GNG12: variants seen among roughly 807,000 people sequenced by gnomAD.
The protein encoded by GNG12 is G protein subunit gamma 12.
For synonymous variants in GNG12, 28 were observed against 29.7 expected (o/e 0.94, Z 0.19); for missense variants, 69 against 83.8 (o/e 0.82, Z 0.69).
chr1:67,738,509 A>ACCT (rs1197305705), intron 2 of GNG12, among the ~76,000 whole-genome samples: 1 of 151,798 alleles, frequency 6.6e-6, no homozygotes, highest in Non-Finnish European at 1.5e-5. Flanking sequence ...TCCAGCTTCA[A>ACCT]CCTCCCCCTG....
rs1319568146 is a variant in GNG12 at position 67,701,753 on chromosome 1, C to A, written c.*3698G>T. On this transcript the variant is annotated 3_prime_UTR_variant, in exon 4 of 4. Transcript: ENST00000370982. The stretch of plus-strand genomic sequence containing the variant: ...ATCAAATGCAAATTTACTAAGACAT[C>A]AAGAGAATATCTGTTTGTAGTTACA... 6.6e-6 allele frequency: 1 copy of A among 152,434 alleles called. No individual in the cohort carries two copies. Among genetic ancestry groups the A allele is most frequent in the Non-Finnish European group, 1.5e-5 (1 of 68,006 alleles). 9.4% of individuals were successfully genotyped at this position (152,434 alleles called of 1,614,324 possible). A position where few individuals can be genotyped will look rare whatever the true frequency, so the allele number is the denominator to read the frequency against.
At position 67,728,286 on chromosome 1, in the gene GNG12, C is replaced by T. The variant is rs140839961; in HGVS notation, c.-26-20574G>A. On this transcript the variant is annotated intron_variant, in intron 2 of 3. Transcript: ENST00000370982. Reference sequence around the variant, plus strand: ...AAAAGCTCTGGATGAGTGTGAGCTGCACTCCTAGTTAAGAGCCATGGGACT... The same window carrying T: ...AAAAGCTCTGGATGAGTGTGAGCTGTACTCCTAGTTAAGAGCCATGGGACT... Among the ~76,000 whole-genome samples, 34 of 152,296 alleles carry T rather than the reference C, an allele frequency of 2.2e-4. No individual in the cohort carries two copies. The East Asian group carries it at 5.4e-3, about 24-fold the overall frequency.
At chr1:67,779,078 T>G (rs773828134) in intron 1 of GNG12, among the ~76,000 whole-genome samples, 10 of 152,312 alleles carry the variant, frequency 6.6e-5, no homozygotes, top group African/African-American at 2.4e-4. Flanking sequence ...GTGATTTTTC[T>G]GAGGGAAGGG....
At chr1:67,787,254 T>C (rs946591612) in intron 1 of GNG12, among the ~76,000 whole-genome samples, 1 of 151,890 alleles carries the variant, frequency 6.6e-6, no homozygotes, top group Non-Finnish European at 1.5e-5. Flanking sequence ...GAAGCTAAAC[T>C]GTACAGAATG....
At position 67,739,621 on chromosome 1, in the gene GNG12, C is replaced by T. The variant is rs4655751; in HGVS notation, c.-26-31909G>A. Among the ~76,000 whole-genome samples the T allele has an allele frequency of 8.6e-3, 1,311 of 152,260 alleles. 24 individuals carry two copies. The highest frequency in any genetic ancestry group is 0.064 in the South Asian group (311 of 4,822). On this transcript the variant is annotated intron_variant, in intron 2 of 3. Transcript: ENST00000370982. ...GCTACATCTTCAAAGGAAGAGCCTGCGTCAAAGCAGTGTACTTGTAAGTTA... is the reference window on the plus strand; with the variant it reads ...GCTACATCTTCAAAGGAAGAGCCTGTGTCAAAGCAGTGTACTTGTAAGTTA...
In GNG12 at chr1:67,780,317, C is replaced by A. The variant is rs1166403335; in HGVS notation, c.-76-2810G>T. 2.6e-5 allele frequency among the ~76,000 whole-genome samples: 4 copies of A among 152,244 alleles called. No individual in the cohort carries two copies. In the East Asian group the frequency reaches 7.7e-4, roughly 29 times the overall value. ...AAGTGGCAGAGTCAAATTGTAAACCCAGACAATTTGGTTCTAGACTTCACA... is the reference window on the plus strand; with the variant it reads ...AAGTGGCAGAGTCAAATTGTAAACCAAGACAATTTGGTTCTAGACTTCACA... On this transcript the variant is annotated intron_variant, in intron 1 of 3. Transcript: ENST00000370982.
intron 2 of GNG12, among the ~76,000 whole-genome samples, chr1:67,711,216 T>C (rs1377210052): frequency 1.3e-5 from 2 of 152,292 alleles, no homozygotes; most frequent in East Asian, 3.9e-4. Flanking sequence ...GTCGATTAAA[T>C]GGGGGTAACT....
At chr1:67,745,647 G>T (rs1391915246) in intron 2 of GNG12, among the ~76,000 whole-genome samples, 1 of 152,206 alleles carries the variant, frequency 6.6e-6, no homozygotes, top group Non-Finnish European at 1.5e-5. Flanking sequence ...GGGAACATTA[G>T]AGCCCCTTTG....
At chr1:67,728,968 C>T (rs115239458) in intron 2 of GNG12, among the ~76,000 whole-genome samples, 2,037 of 152,232 alleles carry the variant, frequency 0.013, 48 homozygotes, top group African/African-American at 0.046. Flanking sequence ...TAAGAGGTAC[C>T]TCTGTGAAAT....
chr1:67,799,427 T>C (rs997904779), intron 1 of GNG12, among the ~76,000 whole-genome samples: 14 of 152,204 alleles, frequency 9.2e-5, no homozygotes, highest in Admixed American at 1.3e-4. Context: ...CAGCAGAGCA[T>C]TGTATAGTAT....
chr1:67,820,997 C>T (rs113628686), intron 1 of GNG12, among the ~76,000 whole-genome samples: 362 of 152,324 alleles, frequency 2.4e-3, no homozygotes, highest in Non-Finnish European at 4.5e-3. Context: ...TTACTAGTAA[C>T]ACCCTAAGTA....
chr1:67,783,919 G>A (rs906343009), intron 1 of GNG12, among the ~76,000 whole-genome samples: 46 of 149,542 alleles, frequency 3.1e-4, no homozygotes, highest in African/African-American at 1.1e-3. Context: ...GATTCCTCAG[G>A]GATCTAGAAC....
At chr1:67,812,501 C>T (rs988935352) in intron 1 of GNG12, among the ~76,000 whole-genome samples, 2 of 152,176 alleles carry the variant, frequency 1.3e-5, no homozygotes, top group African/African-American at 2.4e-5. Context: ...AATGAGCCAT[C>T]TACTCCACTC....
At chr1:67,816,422 G>A (rs1048537148) in intron 1 of GNG12, among the ~76,000 whole-genome samples, 10 of 152,156 alleles carry the variant, frequency 6.6e-5, no homozygotes, top group Non-Finnish European at 1.5e-4. Context: ...TTGGATATGC[G>A]TGCAAGGGCT....
rs149659631 is a variant in GNG12 at position 67,770,758 on chromosome 1, C to T, written c.-27+6700G>A. ...CTGCCAGGCTCAGATAACTTAGCAT[C>T]AGATGTGACAGTCACAGTCAGGTAA... On this transcript the variant is annotated intron_variant, in intron 2 of 3. Coordinates refer to ENST00000370982, the MANE Select transcript of GNG12 (RefSeq NM_018841.6). Among the ~76,000 whole-genome samples, 3 of 152,240 alleles carry T rather than the reference C, an allele frequency of 2.0e-5. No homozygotes were observed. The East Asian group carries it at 5.8e-4, about 29-fold the overall frequency.
Position 67,705,447 on chromosome 1 carries a change from T to C in GNG12, c.*4A>G. ...AAGAGGCGAGGAGCTGTTTCTCTAT[T>C]CCACTATAAGATGATGCAAGTTTTT... On this transcript the variant is annotated 3_prime_UTR_variant, in exon 4 of 4. Coordinates refer to ENST00000370982, the MANE Select transcript of GNG12 (RefSeq NM_018841.6). 1 of 1,613,460 alleles carries C rather than the reference T, an allele frequency of 6.2e-7. No homozygotes were observed. The highest frequency in any genetic ancestry group is 8.5e-7 in the Non-Finnish European group (1 of 1,179,784).
chr1:67,714,435 T>C (rs1046050640), intron 2 of GNG12, among the ~76,000 whole-genome samples: 5 of 152,206 alleles, frequency 3.3e-5, no homozygotes, highest in African/African-American at 7.2e-5. Context: ...AGCTTTCTCA[T>C]TGGAAAAATG....
chr1:67,714,467 CT>C (rs1646313499), intron 2 of GNG12, among the ~76,000 whole-genome samples: 1 of 152,186 alleles, frequency 6.6e-6, no homozygotes, highest in South Asian at 2.1e-4. Context: ...ACTTTCCTAT[CT>C]CAAAGAACTG....
At chr1:67,816,338 G>T in intron 1 of GNG12, among the ~76,000 whole-genome samples, 1 of 152,114 alleles carries the variant, frequency 6.6e-6, no homozygotes, top group East Asian at 1.9e-4. Context: ...CCCTTTCAAA[G>T]AAGGTGGAAG....
Sources: gnomAD v4.1 joint callset for allele counts (sites outside exome capture counted in the v4.1 genomes callset) on GRCh38, gnomAD v4.1.1 for gene constraint, MANE v1.5 for transcripts, NCBI Gene and HGNC (gene_info 2026-07-23, HGNC 2026-07-21) for gene names.